LRRC28: variants seen among roughly 807,000 people sequenced by gnomAD.
The protein encoded by LRRC28 is leucine rich repeat containing 28.
A neutral mutation model predicts 45.7 loss-of-function variants in LRRC28; 39 were observed. The observed-to-expected ratio is 0.85, with a 90% CI of 0.66 to 1.12. LRRC28 has a LOEUF of 1.12. Among genes scored for constraint, LRRC28 ranks in the 50% most tolerant of loss-of-function variants. LRRC28 has a pLI of 0.00. For missense variants in LRRC28, 435 were observed against 438.5 expected (o/e 0.99, Z 0.07); for synonymous variants, 206 against 178.8 (o/e 1.15, Z -1.22).
At chr15:99,315,939 C>G (rs2152271205) in intron 5 of LRRC28, among the ~76,000 whole-genome samples, 1 of 152,282 alleles carries the variant, frequency 6.6e-6, no homozygotes, top group East Asian at 1.9e-4. Context: ...CTACTAGAAG[C>G]CTGTTTCCCA....
rs1958147307 is a variant in LRRC28 at position 99,390,303 on chromosome 15, G to C, written c.*4201G>C. 6.6e-6 allele frequency: 1 copy of C among 152,242 alleles called. No individual in the cohort carries two copies. The highest frequency in any genetic ancestry group is 2.4e-5 in the African/African-American group (1 of 41,462). The allele number at this position is 152,242 out of a possible 1,614,324, so 9.4% of individuals were successfully genotyped here. On this transcript the variant is annotated 3_prime_UTR_variant, in exon 10 of 10. Coordinates refer to ENST00000301981, the MANE Select transcript of LRRC28 (RefSeq NM_144598.5). ...GCCTTTGAAGTATGACTGTATGTGT[G>C]GTCCCCTTGTACTTTGGAGACAGAA... is the stretch of plus-strand genomic sequence containing the variant.
chr15:99,262,946 C>T (rs1057302045), intron 2 of LRRC28, among the ~76,000 whole-genome samples: 1 of 151,934 alleles, frequency 6.6e-6, no homozygotes, highest in African/African-American at 2.4e-5. Flanking sequence ...TGTGCCTGGC[C>T]AGAACTTTCT....
chr15:99,360,741 C>T (rs1483485624), intron 7 of LRRC28, among the ~76,000 whole-genome samples: 2 of 152,178 alleles, frequency 1.3e-5, no homozygotes, highest in Non-Finnish European at 2.9e-5. Flanking sequence ...TTCGGTAACA[C>T]TGCAGCATTA....
intron 2 of LRRC28, chr15:99,259,971 A>T (rs1298247976): frequency 1.9e-5 from 12 of 645,890 alleles, no homozygotes; most frequent in Non-Finnish European, 3.1e-5. Context: ...ACAGATGAAG[A>T]AAAACAAGAA....
chr15:99,339,714 G>GAA lies in LRRC28; in HGVS notation c.592+5598_592+5599dup, dbSNP rs552093424. Reference sequence around the variant, plus strand: ...CACTCCAGCCTGAGCAACAGAGTGAGAAAAAAAAAAAAAAGCGATTGAATT... The same window carrying GAA: ...CACTCCAGCCTGAGCAACAGAGTGAGAAAAAAAAAAAAAAAAGCGATTGAATT... On this transcript the variant is annotated intron_variant, in intron 6 of 9. Transcript: ENST00000301981. 3.9e-3 allele frequency among the ~76,000 whole-genome samples: 518 copies of GAA among 134,122 alleles called. 5 individuals are homozygous for GAA. Among genetic ancestry groups the GAA allele is most frequent in the African/African-American group, 0.013 (486 of 37,544 alleles). The allele number at this position is 134,122 out of a possible 152,430, so 88.0% of individuals were successfully genotyped here.
intron 5 of LRRC28, among the ~76,000 whole-genome samples, chr15:99,309,114 C>A (rs1034661761): frequency 3.9e-5 from 6 of 152,120 alleles, no homozygotes; most frequent in African/African-American, 1.4e-4. Flanking sequence ...GTGGGTGTTA[C>A]CCTTATTTTG....
intron 2 of LRRC28, among the ~76,000 whole-genome samples, chr15:99,270,746 A>G (rs908957549): frequency 2.6e-5 from 4 of 152,132 alleles, no homozygotes; most frequent in Admixed American, 6.5e-5. Context: ...ACATGAATGG[A>G]CATGTTGAAG....
chr15:99,317,632 A>G (rs1326332677), intron 5 of LRRC28: 2 of 152,184 alleles, frequency 1.3e-5, no homozygotes, highest in African/African-American at 2.4e-5. Context: ...GTTTTTTTTA[A>G]GTTGCTTTTT....
At chr15:99,282,623 C>T (rs945335328) in intron 3 of LRRC28, among the ~76,000 whole-genome samples, 1 of 152,202 alleles carries the variant, frequency 6.6e-6, no homozygotes, top group Non-Finnish European at 1.5e-5. Flanking sequence ...CGATAACATA[C>T]TGTCCAGATT....
In LRRC28 at chr15:99,287,422, C is replaced by A. The variant is rs1376867859; in HGVS notation, c.247+128C>A. ...TCAAAACTTTTTTCTTCTAATAAGT[C>A]CAGTTAAGAACTATAATTAAATAAA... On this transcript the variant is annotated intron_variant, in intron 4 of 9. Transcript: ENST00000301981. The A allele has an allele frequency of 4.7e-6, 3 of 633,966 alleles. No individual in the cohort carries two copies. In the South Asian group the frequency reaches 8.5e-5, roughly 18 times the overall value. The allele number at this position is 633,966 out of a possible 1,614,324, so 39.3% of individuals were successfully genotyped here.
At chr15:99,282,614 G>A (rs1348662105) in intron 3 of LRRC28, among the ~76,000 whole-genome samples, 1 of 152,050 alleles carries the variant, frequency 6.6e-6, no homozygotes, top group Non-Finnish European at 1.5e-5. Context: ...TATTCAATAC[G>A]ATAACATACT....
At chr15:99,259,849 C>A in intron 2 of LRRC28, 1 of 822,748 alleles carries the variant, frequency 1.2e-6, no homozygotes, top group Non-Finnish European at 2.2e-6. Flanking sequence ...AGAAAGAATG[C>A]CTTGCCTCAG....
intron 6 of LRRC28, among the ~76,000 whole-genome samples, chr15:99,349,816 A>G (rs370041342): frequency 6.6e-6 from 1 of 152,258 alleles, no homozygotes; most frequent in Non-Finnish European, 1.5e-5. Context: ...CCCCTCAGAC[A>G]TAGTTTTGAA....
intron 2 of LRRC28, chr15:99,258,233 G>A (rs780242366): frequency 5.6e-6 from 9 of 1,598,674 alleles, no homozygotes; most frequent in Non-Finnish European, 7.7e-6. Flanking sequence ...CATCTTCCTT[G>A]TAGCAGATAA....
At chr15:99,284,178 T>C (rs1478277235) in intron 3 of LRRC28, among the ~76,000 whole-genome samples, 1 of 152,192 alleles carries the variant, frequency 6.6e-6, no homozygotes, top group Non-Finnish European at 1.5e-5. Flanking sequence ...ACATCAGGAT[T>C]ATTTGAGTTG....
intron 2 of LRRC28, among the ~76,000 whole-genome samples, chr15:99,270,596 A>G (rs1399258805): frequency 6.6e-6 from 1 of 152,242 alleles, no homozygotes; most frequent in Non-Finnish European, 1.5e-5. Context: ...GTTTTAGCAT[A>G]TATCAGTACT....
intron 5 of LRRC28, among the ~76,000 whole-genome samples, chr15:99,325,195 G>T (rs1955932725): frequency 6.6e-6 from 1 of 152,032 alleles, no homozygotes; most frequent in Admixed American, 6.5e-5. Context: ...TGGTGCTGTT[G>T]TGAATGGAAT....
intron 1 of LRRC28, among the ~76,000 whole-genome samples, chr15:99,253,715 A>G (rs557677280): frequency 1.3e-5 from 2 of 152,342 alleles, no homozygotes; most frequent in South Asian, 2.1e-4. Context: ...TTAAAGGCCC[A>G]TTGCTGGGAT....
intron 1 of LRRC28, among the ~76,000 whole-genome samples, chr15:99,253,060 G>A (rs542490501): frequency 3.3e-5 from 5 of 150,834 alleles, no homozygotes; most frequent in Non-Finnish European, 4.4e-5. Context: ...GTCCTACGAA[G>A]AAAAAACAAA....
Sources: gnomAD v4.1 joint callset for allele counts (sites outside exome capture counted in the v4.1 genomes callset) on GRCh38, gnomAD v4.1.1 for gene constraint, MANE v1.5 for transcripts, NCBI Gene and HGNC (gene_info 2026-07-23, HGNC 2026-07-21) for gene names.